Variants in NCAM2 observed in about 807,000 individuals in gnomAD.
The protein encoded by NCAM2 is N-CAM-2.
A neutral mutation model predicts 98.1 loss-of-function variants in NCAM2; 30 were observed. That is an observed-to-expected ratio of 0.31 (90% CI 0.23 to 0.41). The LOEUF is 0.41. Among genes scored for constraint, NCAM2 ranks in the 10% least tolerant of loss-of-function variants. The probability of loss-of-function intolerance (pLI) is 1.00; values close to 1 mark genes in which losing one functional copy is unlikely to be tolerated. For synonymous variants in NCAM2, 368 were observed against 342.4 expected (o/e 1.07, Z -0.83); for missense variants, 867 against 1,005.8 (o/e 0.86, Z 1.87).
intron 9 of NCAM2, among the ~76,000 whole-genome samples, chr21:21,388,978 T>G (rs2145817672): frequency 6.6e-6 from 1 of 152,342 alleles, no homozygotes; most frequent in South Asian, 2.1e-4. Context: ...GGATCCATGC[T>G]ACATTCTAAT....
At chr21:21,113,733 A>T (rs1187104966) in intron 1 of NCAM2, among the ~76,000 whole-genome samples, 1 of 152,214 alleles carries the variant, frequency 6.6e-6, no homozygotes, top group Non-Finnish European at 1.5e-5. Flanking sequence ...TTTATCCTAA[A>T]TAGAACTATT....
At chr21:21,115,685 A>T (rs1230889189) in intron 1 of NCAM2, among the ~76,000 whole-genome samples, 1 of 152,136 alleles carries the variant, frequency 6.6e-6, no homozygotes, top group Non-Finnish European at 1.5e-5. Context: ...ATACTTCTAT[A>T]CTCTGACATA....
chr21:21,002,451 G>GA lies in NCAM2; in HGVS notation c.55+3836dup, dbSNP rs2064036441. 2.6e-5 allele frequency among the ~76,000 whole-genome samples: 4 copies of GA among 152,262 alleles called. No individual in the cohort carries two copies. In the South Asian group the frequency reaches 8.3e-4, roughly 32 times the overall value. On this transcript the variant is annotated intron_variant, in intron 1 of 17. Coordinates refer to ENST00000400546, the MANE Select transcript of NCAM2 (RefSeq NM_004540.5). ...TTCAAAAATAGGACTAGTTTGCAAT[G>GA]AAACTGAGAAATGAGCTACAGAGAT... is the stretch of plus-strand genomic sequence containing the variant.
intron 1 of NCAM2, among the ~76,000 whole-genome samples, chr21:21,180,913 A>C (rs1294776082): frequency 6.6e-6 from 1 of 152,178 alleles, no homozygotes; most frequent in Non-Finnish European, 1.5e-5. Flanking sequence ...TCAACATGAT[A>C]TTTCTCAGAA....
At chr21:21,380,121 A>G (rs1440917476) in intron 9 of NCAM2, among the ~76,000 whole-genome samples, 1 of 152,048 alleles carries the variant, frequency 6.6e-6, no homozygotes, top group Non-Finnish European at 1.5e-5. Context: ...TCAAATGTTA[A>G]TCTCCTTTGG....
chr21:21,318,380 A>G (rs2074280268), intron 5 of NCAM2, among the ~76,000 whole-genome samples: 1 of 152,210 alleles, frequency 6.6e-6, no homozygotes, highest in Non-Finnish European at 1.5e-5. Flanking sequence ...TTTGACAAAA[A>G]TAAAGTCACA....
intron 1 of NCAM2, among the ~76,000 whole-genome samples, chr21:21,006,889 T>G (rs1326846988): frequency 6.6e-6 from 1 of 152,194 alleles, no homozygotes; most frequent in East Asian, 1.9e-4. Context: ...AGGTCTTGCA[T>G]CCTGATAGAG....
At chr21:21,009,463 T>G (rs2064167251) in intron 1 of NCAM2, among the ~76,000 whole-genome samples, 1 of 152,058 alleles carries the variant, frequency 6.6e-6, no homozygotes, top group African/African-American at 2.4e-5. Flanking sequence ...TAGAGAAAAC[T>G]GAAATCGTTC....
chr21:21,509,795 A>G (rs533598908), intron 16 of NCAM2, among the ~76,000 whole-genome samples: 58 of 152,292 alleles, frequency 3.8e-4, no homozygotes, highest in Non-Finnish European at 7.1e-4. Flanking sequence ...CAAAAGTAGA[A>G]TATGATCAAT....
At position 21,286,382 on chromosome 21, in the gene NCAM2, C is replaced by G. The variant is rs370615799; in HGVS notation, c.451C>G (p.His151Asp). Reference sequence around the variant, plus strand: ...TGCACCTGCTGTCAGCTGGTTGTATCATAATGAGGAAGTCACCACTATTTC... The same window carrying G: ...TGCACCTGCTGTCAGCTGGTTGTATGATAATGAGGAAGTCACCACTATTTC... The part of the protein sequence containing the change: ...SPAPAVSWLY[H>D]NEEVTTISDN... The change falls in exon 4 of 18, where the codon CAT becomes GAT. Residue 151 changes from histidine to aspartate, a missense_variant. By Grantham distance (81) the His-to-Asp change is moderately conservative. Transcript: ENST00000400546. The G allele has an allele frequency of 1.9e-6, 3 of 1,612,286 alleles. No individual in the cohort carries two copies. The highest frequency in any genetic ancestry group is 2.5e-6 in the Non-Finnish European group (3 of 1,178,878).
At chr21:21,055,669 G>A (rs1020758913) in intron 1 of NCAM2, among the ~76,000 whole-genome samples, 6 of 152,082 alleles carry the variant, frequency 3.9e-5, no homozygotes, top group African/African-American at 7.2e-5. Flanking sequence ...GGGAACTGGT[G>A]TTCAAGGTTA....
At position 21,280,543 on chromosome 21, in the gene NCAM2, A is replaced by T. The variant is rs752028092; in HGVS notation, c.56-35A>T. Reference sequence around the variant, plus strand: ...TTAAAATCTTAGAAATCACGCTTAAAAATCACCATTAATTGTTTCCCAATT... The same window carrying T: ...TTAAAATCTTAGAAATCACGCTTAATAATCACCATTAATTGTTTCCCAATT... On this transcript the variant is annotated intron_variant, in intron 1 of 17. Coordinates refer to ENST00000400546, the MANE Select transcript of NCAM2 (RefSeq NM_004540.5). 18 of 1,449,234 alleles carry T rather than the reference A, an allele frequency of 1.2e-5. No individual in the cohort carries two copies. In the African/African-American group the frequency reaches 2.0e-4, roughly 16 times the overall value. 89.8% of individuals were successfully genotyped at this position (1,449,234 alleles called of 1,614,324 possible).
intron 8 of NCAM2, among the ~76,000 whole-genome samples, chr21:21,352,430 A>T (rs995195709): frequency 6.6e-6 from 1 of 152,044 alleles, no homozygotes; most frequent in East Asian, 2.0e-4. Context: ...CTCCAAATTT[A>T]TTTAGATCGT....
At chr21:21,335,463 A>C in intron 6 of NCAM2, 42 bp from the exon 7 acceptor site, 1 of 1,509,724 alleles carries the variant, frequency 6.6e-7, no homozygotes, top group Non-Finnish European at 8.8e-7. Flanking sequence ...ACTAAATTAT[A>C]AAGCCAGATC....
chr21:21,408,464 A>T (rs1488044201), intron 9 of NCAM2, among the ~76,000 whole-genome samples: 1 of 152,140 alleles, frequency 6.6e-6, no homozygotes, highest in Admixed American at 6.6e-5. Context: ...TTCTCTGGAT[A>T]CATACTGGAT....
intron 9 of NCAM2, among the ~76,000 whole-genome samples, chr21:21,384,191 G>C (rs1602174578): frequency 6.6e-6 from 1 of 152,010 alleles, no homozygotes; most frequent in Middle Eastern, 3.5e-3. Context: ...TACTCATATA[G>C]AATGAATTTC....
intron 12 of NCAM2, among the ~76,000 whole-genome samples, chr21:21,453,258 T>A (rs1282166343): frequency 2.0e-5 from 3 of 150,780 alleles, no homozygotes; most frequent in South Asian, 2.1e-4. Flanking sequence ...GGGACTAATT[T>A]TATAAAGAGG....
chr21:21,159,284 ATTAT>A (rs559520406), intron 1 of NCAM2, among the ~76,000 whole-genome samples: 317 of 152,306 alleles, frequency 2.1e-3, no homozygotes, highest in Non-Finnish European at 3.4e-3. Flanking sequence ...ACAGTAAGCT[ATTAT>A]TTAAGAAAGA....
intron 5 of NCAM2, among the ~76,000 whole-genome samples, chr21:21,295,345 T>G (rs2073439276): frequency 6.6e-6 from 1 of 151,876 alleles, no homozygotes. Context: ...CCTTTATTTT[T>G]TCTTACCTCC....
Sources: gnomAD v4.1 joint callset for allele counts (sites outside exome capture counted in the v4.1 genomes callset) on GRCh38, gnomAD v4.1.1 for gene constraint, MANE v1.5 for transcripts, NCBI Gene and HGNC (gene_info 2026-07-23, HGNC 2026-07-21) for gene names.